THUMPD3: variants seen among roughly 807,000 people sequenced by gnomAD.
The protein encoded by THUMPD3 is THUMP domain 3 tRNA guanosine methyltransferase.
A neutral mutation model predicts 54.5 loss-of-function variants in THUMPD3; 44 were observed. The observed-to-expected ratio is 0.81, with a 90% CI of 0.63 to 1.04. THUMPD3 has a LOEUF of 1.04. Among genes scored for constraint, THUMPD3 ranks in the 50% least tolerant of loss-of-function variants. The pLI is 0.00. For synonymous variants in THUMPD3, 196 were observed against 201.4 expected (o/e 0.97, Z 0.23); for missense variants, 604 against 601.3 (o/e 1.00, Z -0.05).
At chr3:9,370,792 A>C (rs753923529) in intron 3 of THUMPD3, among the ~76,000 whole-genome samples, 1 of 152,194 alleles carries the variant, frequency 6.6e-6, no homozygotes, top group Non-Finnish European at 1.5e-5. Context: ...CAGTATAACA[A>C]CTATTTCCAT....
chr3:9,371,429 G>C lies in THUMPD3; in HGVS notation c.700G>C (p.Ala234Pro), dbSNP rs2032030058. ...VLKFRVTCNR[A>P]GEKHCFTSNE... Reference sequence around the variant, plus strand: ...GAAGTTTAGAGTCACATGCAACAGGGCAGGAGAGAAACATTGCTTTACCTC... The same window carrying C: ...GAAGTTTAGAGTCACATGCAACAGGCCAGGAGAGAAACATTGCTTTACCTC... The change falls in exon 4 of 10, where the codon GCA becomes CCA. Residue 234 changes from alanine to proline, a missense_variant. Transcript: ENST00000452837. 2 of 1,614,060 alleles carry C rather than the reference G, an allele frequency of 1.2e-6. No homozygotes were observed. Among genetic ancestry groups the C allele is most frequent in the African/African-American group, 2.7e-5 (2 of 74,934 alleles).
intron 7 of THUMPD3, among the ~76,000 whole-genome samples, chr3:9,381,802 C>T (rs189737962): frequency 0.067 from 5,485 of 82,418 alleles, 288 homozygotes; most frequent in Middle Eastern, 0.19. Context: ...TTTTTTGAGA[C>T]GGAGTCTCAC....
Position 9,380,537 on chromosome 3 carries a change from CT to C in THUMPD3, c.1044del (p.Gly349ValfsTer8). On this transcript the variant is annotated frameshift_variant, in exon 7 of 10. Coordinates refer to ENST00000452837, the MANE Select transcript of THUMPD3 (RefSeq NM_001114092.2). LOFTEE classifies it high-confidence loss of function. Reference sequence around the variant, plus strand: ...GAATGGTCTGACTGTTTCCATATTGCTGGTGATAATAATCCACTGGCTGTGA... The same window carrying C: ...GAATGGTCTGACTGTTTCCATATTGCGGTGATAATAATCCACTGGCTGTGA... ...ATEWSDCFHI[A>X]GDNNPLAVNR... The C allele has an allele frequency of 6.2e-7, 1 of 1,613,436 alleles. No individual in the cohort carries two copies. Among genetic ancestry groups the C allele is most frequent in the Non-Finnish European group, 8.5e-7 (1 of 1,179,624 alleles).
intron 5 of THUMPD3, among the ~76,000 whole-genome samples, 176 bp from the exon 6 acceptor site, chr3:9,377,643 G>C (rs1006529547): frequency 3.9e-5 from 6 of 152,136 alleles, no homozygotes; most frequent in African/African-American, 1.4e-4. Flanking sequence ...CCAAAGTGCT[G>C]GGATTACAGG....
intron 3 of THUMPD3, among the ~76,000 whole-genome samples, chr3:9,370,648 G>T (rs569332341): frequency 6.6e-6 from 1 of 152,214 alleles, no homozygotes; most frequent in South Asian, 2.1e-4. Context: ...GTTTTGCCAT[G>T]TTGCCCAGTC....
At chr3:9,368,575 C>T (rs2031763029) in intron 3 of THUMPD3, among the ~76,000 whole-genome samples, 2 of 151,994 alleles carry the variant, frequency 1.3e-5, no homozygotes, top group Admixed American at 1.3e-4. Flanking sequence ...CTTGGCCAGG[C>T]TGGTCTTGAA....
In THUMPD3 at chr3:9,384,587, C is replaced by A. The variant is rs1221471713; in HGVS notation, c.1423C>A (p.Leu475Ile). The A allele has an allele frequency of 1.9e-6, 3 of 1,614,144 alleles. No individual in the cohort carries two copies. The South Asian group carries it at 3.3e-5, about 18-fold the overall frequency. ...TACAGTCTGGGTGAACGTTGGTGGT[C>A]TTCGTGCTGCAGTTTACGTTCTGAT... ...VDTVWVNVGG[L>I]RAAVYVLIRT... Residue 475 changes from leucine to isoleucine, a missense_variant, in exon 10 of 10, where the codon CTT (leucine) becomes ATT (isoleucine). By Grantham distance (5) the Leu-to-Ile change is conservative. Transcript: ENST00000452837.
chr3:9,371,453 T>A lies in THUMPD3; in HGVS notation c.724T>A (p.Ser242Thr). 1.2e-6 allele frequency: 2 copies of A among 1,614,188 alleles called. No homozygotes were observed. Among genetic ancestry groups the A allele is most frequent in the Non-Finnish European group, 1.7e-6 (2 of 1,180,028 alleles). Residue 242 changes from serine to threonine, a missense_variant, in exon 4 of 10, where the codon TCA (serine) becomes ACA (threonine). Physicochemically the swap from Ser to Thr is moderately conservative, Grantham distance 58 (BLOSUM62 1). Coordinates refer to ENST00000452837, the MANE Select transcript of THUMPD3 (RefSeq NM_001114092.2). ...GGCAGGAGAGAAACATTGCTTTACC[T>A]CAAATGAGGCTGCAAGAGATTTTGG... is the stretch of plus-strand genomic sequence containing the variant. ...NRAGEKHCFT[S>T]NEAARDFGGA...
intron 6 of THUMPD3, among the ~76,000 whole-genome samples, chr3:9,379,989 C>T (rs898764145): frequency 5.3e-5 from 8 of 152,068 alleles, no homozygotes; most frequent in East Asian, 1.9e-4. Context: ...CATGCCCGGC[C>T]GGAAATAGCA....
Position 9,384,577 on chromosome 3 carries a change from CGTT to C in THUMPD3, c.1415_1417del (p.Val472del), listed in dbSNP as rs2033197274. On this transcript the variant is annotated inframe_deletion, in exon 10 of 10. Transcript: ENST00000452837. Reference sequence around the variant, plus strand: ...GAAAGGTGGATACAGTCTGGGTGAACGTTGGTGGTCTTCGTGCTGCAGTTTACG... The same window carrying C: ...GAAAGGTGGATACAGTCTGGGTGAACGGTGGTCTTCGTGCTGCAGTTTACG... The C allele has an allele frequency of 8.7e-6, 14 of 1,614,108 alleles. No homozygotes were observed. Among genetic ancestry groups the C allele is most frequent in the Non-Finnish European group, 1.2e-5 (14 of 1,180,030 alleles).
intron 1 of THUMPD3, 187 bp downstream of exon 1, chr3:9,363,314 T>A (rs1368893771): frequency 6.6e-6 from 1 of 152,190 alleles, no homozygotes; most frequent in South Asian, 2.1e-4. Flanking sequence ...CCGGGCCCTG[T>A]AGGTGGGAGT....
At chr3:9,372,805 C>T (rs1298610857) in intron 4 of THUMPD3, among the ~76,000 whole-genome samples, 2 of 152,168 alleles carry the variant, frequency 1.3e-5, no homozygotes, top group Non-Finnish European at 2.9e-5. Context: ...GTCTCTGACA[C>T]CTTAAAACAT....
rs1269964214 is a variant in THUMPD3, at chr3:9,383,182, T to A, written c.1125-17T>A. 6.3e-7 allele frequency: 1 copy of A among 1,588,266 alleles called. No homozygotes were observed. The highest frequency in any genetic ancestry group is 1.7e-5 in the Admixed American group (1 of 59,494). On this transcript the variant is annotated splice_polypyrimidine_tract_variant and intron_variant, in intron 7 of 9. Transcript: ENST00000452837. ...TGCTTCACAGTATGTTGAAGCACCT[T>A]TCCTTTGTCCCCACAGCAAACCCTC...
intron 3 of THUMPD3, among the ~76,000 whole-genome samples, chr3:9,368,349 C>A (rs1353973003): frequency 6.9e-6 from 1 of 144,090 alleles, no homozygotes; most frequent in African/African-American, 2.6e-5. Flanking sequence ...TCCCCACCTC[C>A]ACCCGCGCAT....
At chr3:9,379,766 C>G (rs1373843291) in intron 6 of THUMPD3, among the ~76,000 whole-genome samples, 1 of 152,136 alleles carries the variant, frequency 6.6e-6, no homozygotes, top group Non-Finnish European at 1.5e-5. Flanking sequence ...AATCTCAGCT[C>G]CCTGCAACCT....
At chr3:9,380,222 C>T (rs757353968) in intron 6 of THUMPD3, among the ~76,000 whole-genome samples, 2 of 151,928 alleles carry the variant, frequency 1.3e-5, no homozygotes, top group African/African-American at 2.4e-5. Context: ...GGCAGAGGTA[C>T]GTACATACAA....
At chr3:9,383,335 C>T (rs1330230169) in intron 8 of THUMPD3, 26 bp downstream of exon 8, 1 of 1,489,780 alleles carries the variant, frequency 6.7e-7, no homozygotes, top group African/African-American at 1.4e-5. Flanking sequence ...ACCTGCTTGT[C>T]TTCTAAATAT....
In THUMPD3 at chr3:9,371,543, A is replaced by G; in HGVS notation, c.807+7A>G. The G allele has an allele frequency of 6.2e-7, 1 of 1,602,278 alleles. No individual in the cohort carries two copies. Among genetic ancestry groups the G allele is most frequent in the African/African-American group, 1.3e-5 (1 of 74,648 alleles). On this transcript the variant is annotated splice_region_variant and intron_variant, in intron 4 of 9. Coordinates refer to ENST00000452837, the MANE Select transcript of THUMPD3 (RefSeq NM_001114092.2). The stretch of plus-strand genomic sequence containing the variant: ...GACCAACTTTGATGTGGAGGTAGGT[A>G]TAGGCTCTGACTGTGGTGATTGAAG...
At chr3:9,375,747 A>G (rs1300076466) in intron 5 of THUMPD3, among the ~76,000 whole-genome samples, 4 of 152,210 alleles carry the variant, frequency 2.6e-5, no homozygotes, top group Non-Finnish European at 5.9e-5. Context: ...GTAGCCTACT[A>G]CACACCTGGG....
Sources: gnomAD v4.1 joint callset for allele counts (sites outside exome capture counted in the v4.1 genomes callset) on GRCh38, gnomAD v4.1.1 for gene constraint, MANE v1.5 for transcripts, NCBI Gene and HGNC (gene_info 2026-07-23, HGNC 2026-07-21) for gene names.